Variants in HCN1 observed in about 807,000 individuals in gnomAD.
HCN1 encodes potassium/sodium hyperpolarization-activated cyclic nucleotide-gated channel 1.
Under a neutral mutation model 78.9 loss-of-function variants are expected in HCN1, and 13 were observed. That is an observed-to-expected ratio of 0.16 (90% confidence interval 0.11 to 0.26). HCN1 has a LOEUF of 0.26. HCN1 is among the 10% of genes least tolerant of loss of function. The pLI, the probability that HCN1 is intolerant of heterozygous loss-of-function variation, is 1.00. For synonymous variants in HCN1, 552 were observed against 455.5 expected (o/e 1.21, Z -2.70); for missense variants, 810 against 1,154.3 (o/e 0.70, Z 4.32).
rs555843742 is a variant in HCN1 at position 45,255,323 on chromosome 5, A to G, written c.*6598T>C. On this transcript the variant is annotated 3_prime_UTR_variant, in exon 8 of 8. Coordinates refer to ENST00000303230, the MANE Select transcript of HCN1 (RefSeq NM_021072.4). ...TTGTCATCTCCAGAAATGTCTTCACACTTGGAAGTTCCCTTAAAAAGCCCT... is the reference window on the plus strand; with the variant it reads ...TTGTCATCTCCAGAAATGTCTTCACGCTTGGAAGTTCCCTTAAAAAGCCCT... The G allele has an allele frequency of 6.6e-6, 1 of 152,326 alleles. No homozygotes were observed. The highest frequency in any genetic ancestry group is 2.4e-5 in the African/African-American group (1 of 41,568). 9.4% of individuals were successfully genotyped at this position (152,326 alleles called of 1,614,324 possible). A position where few individuals can be genotyped will look rare whatever the true frequency, so the allele number is the denominator to read the frequency against.
At chr5:45,373,896 CTATAA>C (rs1261797553) in intron 4 of HCN1, among the ~76,000 whole-genome samples, 5 of 129,936 alleles carry the variant, frequency 3.8e-5, no homozygotes, top group Non-Finnish European at 4.8e-5. Context: ...TATATGTCAT[CTATAA>C]TATATTACAT....
intron 6 of HCN1, among the ~76,000 whole-genome samples, chr5:45,278,907 T>A (rs1002995756): frequency 1.3e-5 from 2 of 152,088 alleles, no homozygotes; most frequent in Non-Finnish European, 2.9e-5. Context: ...TTTACATTTT[T>A]AAAGGTTTGT....
chr5:45,512,462 A>G (rs1194511853), intron 2 of HCN1, among the ~76,000 whole-genome samples: 1 of 152,122 alleles, frequency 6.6e-6, no homozygotes, highest in Non-Finnish European at 1.5e-5. Flanking sequence ...TTCCAGACCT[A>G]ACTAGTTATT....
chr5:45,350,428 G>A (rs1245616802), intron 5 of HCN1, among the ~76,000 whole-genome samples: 1 of 152,094 alleles, frequency 6.6e-6, no homozygotes, highest in Non-Finnish European at 1.5e-5. Context: ...ATACTGAGTG[G>A]GCAAAAACTG....
intron 6 of HCN1, among the ~76,000 whole-genome samples, chr5:45,293,149 T>C (rs1475278652): frequency 6.6e-6 from 1 of 152,006 alleles, no homozygotes; most frequent in Admixed American, 6.6e-5. Context: ...TATTTCTGTC[T>C]TTAGGTCTTT....
intron 3 of HCN1, among the ~76,000 whole-genome samples, chr5:45,446,911 T>C (rs13162289): frequency 6.6e-6 from 1 of 151,916 alleles, no homozygotes; most frequent in Admixed American, 6.6e-5. Context: ...AAGGAACAAC[T>C]GGTACCAGCC....
intron 1 of HCN1, among the ~76,000 whole-genome samples, chr5:45,674,707 AATAC>A (rs1195740736): frequency 3.3e-5 from 5 of 151,776 alleles, no homozygotes; most frequent in African/African-American, 1.2e-4. Flanking sequence ...ATGTTTTATT[AATAC>A]ATTTTAGAGT....
chr5:45,678,658 G>A (rs1739643614), intron 1 of HCN1, among the ~76,000 whole-genome samples: 1 of 151,822 alleles, frequency 6.6e-6, no homozygotes, highest in Admixed American at 6.6e-5. Context: ...CATTCAAAAG[G>A]ATACAGAAAC....
chr5:45,600,149 T>G (rs1156232890), intron 2 of HCN1, among the ~76,000 whole-genome samples: 4 of 151,930 alleles, frequency 2.6e-5, no homozygotes, highest in African/African-American at 4.8e-5. Flanking sequence ...AATCTCCCAA[T>G]TTTAGGCTTG....
At chr5:45,497,768 T>C (rs1742078255) in intron 2 of HCN1, among the ~76,000 whole-genome samples, 2 of 152,224 alleles carry the variant, frequency 1.3e-5, no homozygotes, top group African/African-American at 2.4e-5. Flanking sequence ...GGAGCTCTTT[T>C]AGGGCAGGCC....
At position 45,416,433 on chromosome 5, in the gene HCN1, T is replaced by C. The variant is rs138488041; in HGVS notation, c.1012-19723A>G. 1.2e-4 allele frequency among the ~76,000 whole-genome samples: 19 copies of C among 152,170 alleles called. No individual in the cohort carries two copies. The East Asian group carries it at 3.5e-3, about 28-fold the overall frequency. ...TTTTTCTGAGGAAACAAATATGGAA[T>C]GCATATATGATATATACAACCTGAC... On this transcript the variant is annotated intron_variant, in intron 3 of 7. Transcript: ENST00000303230.
chr5:45,586,969 T>C (rs2111935921), intron 2 of HCN1, among the ~76,000 whole-genome samples: 1 of 152,304 alleles, frequency 6.6e-6, no homozygotes, highest in East Asian at 1.9e-4. Context: ...GCTATAATCA[T>C]TCCATTATAT....
chr5:45,284,169 G>T (rs1745224919), intron 6 of HCN1, among the ~76,000 whole-genome samples: 1 of 151,942 alleles, frequency 6.6e-6, no homozygotes, highest in Non-Finnish European at 1.5e-5. Flanking sequence ...GGAACAGAAA[G>T]GATAACAATT....
intron 1 of HCN1, among the ~76,000 whole-genome samples, chr5:45,683,553 C>T (rs2112092262): frequency 6.6e-6 from 1 of 152,184 alleles, no homozygotes; most frequent in Non-Finnish European, 1.5e-5. Context: ...TCCTGCTCAC[C>T]AGGTAGCTAG....
At chr5:45,580,737 G>A (rs1469817849) in intron 2 of HCN1, among the ~76,000 whole-genome samples, 2 of 151,912 alleles carry the variant, frequency 1.3e-5, no homozygotes, top group Non-Finnish European at 2.9e-5. Flanking sequence ...CTCTTCCTGT[G>A]GCCATGTGTT....
In HCN1 at chr5:45,559,726, T is replaced by G. The variant is rs1409238975; in HGVS notation, c.849+85459A>C. Reference sequence around the variant, plus strand: ...ATTTTGAATATTTCATAAACTTAGTTGCAAAAGCAGCAGCACTGGCAGTGT... The same window carrying G: ...ATTTTGAATATTTCATAAACTTAGTGGCAAAAGCAGCAGCACTGGCAGTGT... On this transcript the variant is annotated intron_variant, in intron 2 of 7. Transcript: ENST00000303230. The G allele has an allele frequency of 2.0e-5, 3 of 152,246 alleles. No individual in the cohort carries two copies. In the East Asian group the frequency reaches 5.8e-4, roughly 29 times the overall value. 9.4% of individuals were successfully genotyped at this position (152,246 alleles called of 1,614,324 possible).
At chr5:45,435,349 T>G (rs918774903) in intron 3 of HCN1, among the ~76,000 whole-genome samples, 1 of 152,106 alleles carries the variant, frequency 6.6e-6, no homozygotes. Context: ...ACTTTAAAAT[T>G]TTTAAAAAGT....
At chr5:45,375,827 GATA>G (rs1747628975) in intron 4 of HCN1, among the ~76,000 whole-genome samples, 7 of 111,986 alleles carry the variant, frequency 6.3e-5, no homozygotes. Context: ...AATATTTTAT[GATA>G]TATCTTATAT....
chr5:45,678,465 T>C (rs1208208122), intron 1 of HCN1, among the ~76,000 whole-genome samples: 1 of 151,960 alleles, frequency 6.6e-6, no homozygotes, highest in Non-Finnish European at 1.5e-5. Flanking sequence ...TAGTGGTAGA[T>C]TGCAACCTAA....
Sources: allele counts gnomAD v4.1 joint callset (sites outside exome capture counted in the v4.1 genomes callset), GRCh38; gene constraint gnomAD v4.1.1; transcripts MANE v1.5; gene names NCBI Gene and HGNC (gene_info 2026-07-23, HGNC 2026-07-21).